GBF1: variants seen among roughly 807,000 people sequenced by gnomAD.
The protein encoded by GBF1 is Golgi-specific brefeldin A-resistance guanine nucleotide exchange factor 1.
A neutral mutation model predicts 210.5 loss-of-function variants in GBF1; 114 were observed. The ratio of observed to expected loss-of-function variants is 0.54; its 90% CI spans 0.47 to 0.63. The LOEUF is 0.63. GBF1 is among the 30% of genes least tolerant of loss of function. GBF1 has a pLI of 0.00. For missense variants in GBF1, 1,851 were observed against 2,357.7 expected (o/e 0.79, Z 4.45); for synonymous variants, 850 against 889.2 (o/e 0.96, Z 0.78).
intron 3 of GBF1, among the ~76,000 whole-genome samples, chr10:102,333,801 G>A (rs2057516675): frequency 6.6e-6 from 1 of 152,140 alleles, no homozygotes; most frequent in Non-Finnish European, 1.5e-5. Context: ...CCATACATCA[G>A]ACATTTTTGT....
intron 3 of GBF1, among the ~76,000 whole-genome samples, chr10:102,313,004 G>GT (rs1269173895): frequency 1.3e-5 from 2 of 152,166 alleles, no homozygotes; most frequent in African/African-American, 4.8e-5. Flanking sequence ...TTAGCCCTGT[G>GT]TGCAGGGCTG....
intron 3 of GBF1, among the ~76,000 whole-genome samples, chr10:102,266,482 A>G (rs2073886733): frequency 1.3e-5 from 2 of 152,146 alleles, no homozygotes; most frequent in African/African-American, 4.8e-5. Flanking sequence ...TCCTGCCCTC[A>G]TAGCCACTGG....
chr10:102,376,491 C>T (rs1050636266), intron 31 of GBF1, 59 bp downstream of exon 31: 1 of 1,610,482 alleles, frequency 6.2e-7, no homozygotes, highest in Admixed American at 1.7e-5. Flanking sequence ...GGAAGAATTC[C>T]TGGTCCTCTG....
chr10:102,370,291 G>A (rs1237899652), intron 27 of GBF1, 46 bp downstream of exon 27: 4 of 1,500,668 alleles, frequency 2.7e-6, no homozygotes, highest in South Asian at 1.1e-5. Flanking sequence ...CTGAATCTGG[G>A]AGGGGTGACA....
rs1261260061 is a variant in GBF1 at position 102,359,284 on chromosome 10, G to A, written c.1029G>A (p.Val343=). 3 of 1,612,224 alleles carry A rather than the reference G, an allele frequency of 1.9e-6. No individual in the cohort carries two copies. The Admixed American group carries it at 5.0e-5, about 27-fold the overall frequency. Residue 343 remains valine (V), a synonymous_variant, in exon 11 of 40, where the codon GTG becomes GTA. Transcript: ENST00000369983. ...GGTCATAGCAGGAAGGGACCCATGT[G>A]GAAAAGTCCCAGTCAGCATCTGTGG... ...QPDLQQEGTH[V]EKSQSASVES...
At chr10:102,279,227 TG>T (rs2133421833) in intron 3 of GBF1, among the ~76,000 whole-genome samples, 1 of 152,350 alleles carries the variant, frequency 6.6e-6, no homozygotes, top group African/African-American at 2.4e-5. Context: ...GAAAAAGGTT[TG>T]GCTCAATGAG....
intron 9 of GBF1, 41 bp from the exon 10 acceptor site, chr10:102,358,465 C>T: frequency 2.8e-6 from 4 of 1,424,668 alleles, no homozygotes; most frequent in Non-Finnish European, 4.0e-6. Flanking sequence ...TGCCCACAGC[C>T]TCTTTCTTCT....
chr10:102,298,839 C>T (rs2077113646), intron 3 of GBF1, among the ~76,000 whole-genome samples: 1 of 152,158 alleles, frequency 6.6e-6, no homozygotes, highest in Admixed American at 6.5e-5. Context: ...CATCAAGATC[C>T]CTTGAGAGCT....
Position 102,377,087 on chromosome 10 carries a change from G to A in GBF1, c.4441G>A (p.Asp1481Asn). Residue 1481 changes from aspartate to asparagine, a missense_variant, in exon 33 of 40, where the codon GAC becomes AAC. This residue lies in a region of GBF1 where 967 missense variants were observed against 1,247.7 expected (regional missense o/e 0.78). Coordinates refer to ENST00000369983, the MANE Select transcript of GBF1 (RefSeq NM_001377137.1). The stretch of plus-strand genomic sequence containing the variant: ...GGGCGGGCAGAGTGATGATGATGAG[G>A]ACGAAGGCGTGCCTGCCAGCTACCA... Reference protein sequence around the residue: ...SRGGQSDDDEDEGVPASYHTV... With the variant: ...SRGGQSDDDENEGVPASYHTV... 6.2e-7 allele frequency: 1 copy of A among 1,614,164 alleles called. No homozygotes were observed.
At chr10:102,305,413 G>C (rs2077762750) in intron 3 of GBF1, among the ~76,000 whole-genome samples, 1 of 152,060 alleles carries the variant, frequency 6.6e-6, no homozygotes, top group African/African-American at 2.4e-5. Context: ...AGCAGTTCAA[G>C]ACTAGCCTGG....
chr10:102,296,378 T>C (rs1269124359), intron 3 of GBF1, among the ~76,000 whole-genome samples: 3 of 152,220 alleles, frequency 2.0e-5, no homozygotes, highest in Non-Finnish European at 4.4e-5. Context: ...TGTAAGATGA[T>C]AGGGATAAGA....
At chr10:102,287,344 C>CTTTTTTTTTTTTTTTTTTTTTTTTTT (rs763880492) in intron 3 of GBF1, among the ~76,000 whole-genome samples, 2 of 69,518 alleles carry the variant, frequency 2.9e-5, no homozygotes, top group African/African-American at 6.8e-5. Flanking sequence ...ATTTTATTTT[C>CTTTTTTTTTTTTTTTTTTTTTTTTTT]TTTTTTTTTT....
chr10:102,335,722 G>C (rs2057682119), intron 3 of GBF1, among the ~76,000 whole-genome samples: 1 of 152,134 alleles, frequency 6.6e-6, no homozygotes, highest in Admixed American at 6.6e-5. Context: ...CTTCAAAATG[G>C]GGTTAATTAT....
At chr10:102,244,464 T>C (rs1391973535), upstream of GBF1, among the ~76,000 whole-genome samples, 1 of 152,178 alleles carries the variant, frequency 6.6e-6, no homozygotes, top group Non-Finnish European at 1.5e-5. Flanking sequence ...GTAATACAGG[T>C]AATTCTAAAT....
intron 3 of GBF1, among the ~76,000 whole-genome samples, chr10:102,341,271 C>CAG (rs2058166007): frequency 2.0e-5 from 3 of 152,168 alleles, no homozygotes; most frequent in Non-Finnish European, 4.4e-5. Flanking sequence ...TACATACATA[C>CAG]TTGAATCGCT....
chr10:102,258,774 CAAAAAAA>C lies in GBF1; in HGVS notation c.-10-141_-10-135del, dbSNP rs74634439. Reference sequence around the variant, plus strand: ...GGGCAACAAGAGTGAAACTCTGCCTCAAAAAAAAAAAAAAAAAAAAGAAAGAAAGAAA... The same window carrying C: ...GGGCAACAAGAGTGAAACTCTGCCTCAAAAAAAAAAAAAGAAAGAAAGAAA... On this transcript the variant is annotated intron_variant, in intron 1 of 39. Transcript: ENST00000369983. Among the ~76,000 whole-genome samples, 26 of 79,720 alleles carry C rather than the reference CAAAAAAA, an allele frequency of 3.3e-4. No individual in the cohort carries two copies. The South Asian group carries it at 8.6e-3, about 26-fold the overall frequency. The allele number at this position is 79,720 out of a possible 152,430, so 52.3% of individuals were successfully genotyped here.
intron 3 of GBF1, among the ~76,000 whole-genome samples, chr10:102,322,928 T>G (rs576177187): frequency 3.9e-4 from 60 of 151,902 alleles, no homozygotes; most frequent in Non-Finnish European, 5.7e-4. Context: ...GTAATAATAA[T>G]AATAAGAAGA....
At chr10:102,246,660 G>A (rs1484393335) in intron 1 of GBF1, among the ~76,000 whole-genome samples, 1 of 152,208 alleles carries the variant, frequency 6.6e-6, no homozygotes, top group East Asian at 1.9e-4. Context: ...TAGGGTCAGA[G>A]CCCCAGAGTG....
chr10:102,362,023 T>G, intron 14 of GBF1, 111 bp downstream of exon 14: 1 of 467,600 alleles, frequency 2.1e-6, no homozygotes, highest in Non-Finnish European at 3.7e-6. Flanking sequence ...AGCTGGGAAA[T>G]AGAAGAAAGG....
Sources: allele counts gnomAD v4.1 joint callset (sites outside exome capture counted in the v4.1 genomes callset), GRCh38; gene constraint gnomAD v4.1.1; regional missense constraint gnomAD v4.1.1; transcripts MANE v1.5; gene names NCBI Gene and HGNC (gene_info 2026-07-23, HGNC 2026-07-21).